Variants in CAMK1D observed in about 807,000 individuals in gnomAD.
The protein encoded by CAMK1D is calcium/calmodulin dependent protein kinase ID.
In CAMK1D, 9 loss-of-function variants were observed where a neutral mutation model predicts 47.7. That is an observed-to-expected ratio of 0.19 (90% CI 0.11 to 0.33). The LOEUF (loss-of-function observed/expected upper bound fraction) is 0.33. CAMK1D is among the 10% of genes least tolerant of loss of function. The pLI is 1.00. For synonymous variants in CAMK1D, 184 were observed against 184.9 expected (o/e 0.99, Z 0.04); for missense variants, 291 against 488.7 (o/e 0.60, Z 3.81).
chr10:12,696,225 A>C (rs556913865), intron 3 of CAMK1D, among the ~76,000 whole-genome samples: 1 of 152,236 alleles, frequency 6.6e-6, no homozygotes, highest in Admixed American at 6.5e-5. Flanking sequence ...GAAAAAACTT[A>C]AAAATCACTG....
chr10:12,501,969 C>G (rs964198777), intron 1 of CAMK1D, among the ~76,000 whole-genome samples: 1 of 152,060 alleles, frequency 6.6e-6, no homozygotes, highest in Non-Finnish European at 1.5e-5. Context: ...GCTGCAGGCC[C>G]TAGGGAGAGT....
In CAMK1D at chr10:12,554,188, C is replaced by T. The variant is rs112680193; in HGVS notation, c.224+832C>T. Reference sequence around the variant, plus strand: ...CTCCTTTCCTTTCCTGACAGAATCTCGCTCTGTTGCCCAGGCTGGAGTACA... The same window carrying T: ...CTCCTTTCCTTTCCTGACAGAATCTTGCTCTGTTGCCCAGGCTGGAGTACA... On this transcript the variant is annotated intron_variant, in intron 2 of 10. Transcript: ENST00000619168. 9.6e-4 allele frequency among the ~76,000 whole-genome samples: 145 copies of T among 150,396 alleles called. 3 individuals carry two copies. Among genetic ancestry groups the T allele is most frequent in the African/African-American group, 3.4e-3 (138 of 41,044 alleles).
intron 6 of CAMK1D, among the ~76,000 whole-genome samples, chr10:12,806,614 C>T (rs1394227342): frequency 2.0e-5 from 3 of 152,210 alleles, no homozygotes; most frequent in East Asian, 3.8e-4. Flanking sequence ...AGGCTCCTCC[C>T]CTCTTTCAAA....
chr10:12,776,800 G>A (rs1837267306), intron 5 of CAMK1D, among the ~76,000 whole-genome samples: 2 of 152,212 alleles, frequency 1.3e-5, no homozygotes, highest in South Asian at 4.1e-4. Context: ...TAAACAGGGA[G>A]ATCTCCAACA....
chr10:12,759,836 G>A (rs1404027173), intron 3 of CAMK1D, among the ~76,000 whole-genome samples: 4 of 152,122 alleles, frequency 2.6e-5, no homozygotes, highest in Non-Finnish European at 4.4e-5. Context: ...ATAAATTGTC[G>A]TGCCTTTTGG....
intron 2 of CAMK1D, among the ~76,000 whole-genome samples, chr10:12,597,064 G>A (rs919657838): frequency 6.6e-6 from 1 of 152,118 alleles, no homozygotes; most frequent in South Asian, 2.1e-4. Flanking sequence ...GCACCCATCA[G>A]TGGGGATGGA....
intron 1 of CAMK1D, among the ~76,000 whole-genome samples, chr10:12,467,830 G>A (rs905138122): frequency 2.0e-5 from 3 of 152,034 alleles, no homozygotes; most frequent in African/African-American, 7.2e-5. Flanking sequence ...GTTCACATGA[G>A]GTTTACAACA....
intron 2 of CAMK1D, among the ~76,000 whole-genome samples, chr10:12,632,085 A>G (rs1839396780): frequency 6.6e-6 from 1 of 152,218 alleles, no homozygotes; most frequent in Admixed American, 6.5e-5. Flanking sequence ...GCTTTGGTTG[A>G]TGGGCAGTGT....
At chr10:12,557,375 C>T (rs1836794535) in intron 2 of CAMK1D, among the ~76,000 whole-genome samples, 1 of 151,802 alleles carries the variant, frequency 6.6e-6, no homozygotes, top group Admixed American at 6.6e-5. Flanking sequence ...CGGTGAAACC[C>T]CGTCTCTACT....
chr10:12,647,505 A>G (rs926779595), intron 2 of CAMK1D, among the ~76,000 whole-genome samples: 1 of 152,206 alleles, frequency 6.6e-6, no homozygotes, highest in Non-Finnish European at 1.5e-5. Context: ...ATTTTTCTGT[A>G]TACCAATGCT....
At chr10:12,677,955 A>G (rs1310129138) in intron 3 of CAMK1D, among the ~76,000 whole-genome samples, 1 of 152,054 alleles carries the variant, frequency 6.6e-6, no homozygotes. Context: ...TAACGATTGA[A>G]TATGCTTTGT....
At chr10:12,630,717 C>T (rs1291443831) in intron 2 of CAMK1D, among the ~76,000 whole-genome samples, 1 of 152,188 alleles carries the variant, frequency 6.6e-6, no homozygotes, top group Non-Finnish European at 1.5e-5. Flanking sequence ...AGCTACTGCC[C>T]CTGGCCCTTT....
At chr10:12,446,565 G>A (rs1832931118) in intron 1 of CAMK1D, among the ~76,000 whole-genome samples, 3 of 152,172 alleles carry the variant, frequency 2.0e-5, no homozygotes, top group African/African-American at 7.2e-5. Flanking sequence ...TTAACTGCCT[G>A]GGAATGCAGC....
intron 2 of CAMK1D, among the ~76,000 whole-genome samples, chr10:12,639,135 G>A (rs991429423): frequency 9.9e-5 from 15 of 152,246 alleles, no homozygotes; most frequent in African/African-American, 3.4e-4. Context: ...TCCCGCCTCA[G>A]AAAGAGAAAG....
intron 2 of CAMK1D, among the ~76,000 whole-genome samples, chr10:12,589,928 G>A (rs1451267901): frequency 6.6e-6 from 1 of 152,070 alleles, no homozygotes; most frequent in Non-Finnish European, 1.5e-5. Flanking sequence ...GACCTGCTAG[G>A]GTAACTCTGA....
chr10:12,779,077 C>T lies in CAMK1D; in HGVS notation c.565+9278C>T, dbSNP rs539824208. On this transcript the variant is annotated intron_variant, in intron 5 of 10. Coordinates refer to ENST00000619168, the MANE Select transcript of CAMK1D (RefSeq NM_153498.4). ...AGAAATGAACAGACTCACTGAGCCT[C>T]GAGAGAGGGCTGGTGGAATTGTACT... Among the ~76,000 whole-genome samples, 18 of 152,114 alleles carry T rather than the reference C, an allele frequency of 1.2e-4. No individual in the cohort carries two copies. In the South Asian group the frequency reaches 2.1e-3, roughly 18 times the overall value.
In CAMK1D at chr10:12,353,073, A is replaced by C. The variant is rs907079832; in HGVS notation, c.92+3163A>C. ...CTTTCTAGAAGTGGTCCCCAGTTCA[A>C]GATGCCTGCTCCACCCTGGGCCATG... On this transcript the variant is annotated intron_variant, in intron 1 of 10. Coordinates refer to ENST00000619168, the MANE Select transcript of CAMK1D (RefSeq NM_153498.4). 2.0e-5 allele frequency among the ~76,000 whole-genome samples: 3 copies of C among 152,108 alleles called. No homozygotes were observed. The East Asian group carries it at 5.8e-4, about 29-fold the overall frequency.
At chr10:12,413,827 T>C (rs1015353309) in intron 1 of CAMK1D, among the ~76,000 whole-genome samples, 1 of 152,190 alleles carries the variant, frequency 6.6e-6, no homozygotes, top group Non-Finnish European at 1.5e-5. Context: ...GATGAGGAGC[T>C]TGGGCCTACC....
Position 12,834,402 on chromosome 10 carries a change from C to T in CAMK1D, c.*5515C>T, listed in dbSNP as rs953783654. ...CCAGCAGGAGCAGCTCAGTTTGTGG[C>T]TCTGGGAGCTCCGCTTTTGCAAACC... On this transcript the variant is annotated 3_prime_UTR_variant, in exon 11 of 11. Transcript: ENST00000619168. The T allele has an allele frequency of 4.6e-5, 7 of 152,220 alleles. No individual in the cohort carries two copies. Among genetic ancestry groups the T allele is most frequent in the African/African-American group, 1.7e-4 (7 of 41,442 alleles). 9.4% of individuals were successfully genotyped at this position (152,220 alleles called of 1,614,324 possible). A position where few individuals can be genotyped will look rare whatever the true frequency, so the allele number is the denominator to read the frequency against.
Sources: allele counts gnomAD v4.1 joint callset (sites outside exome capture counted in the v4.1 genomes callset), GRCh38; gene constraint gnomAD v4.1.1; transcripts MANE v1.5; gene names NCBI Gene and HGNC (gene_info 2026-07-23, HGNC 2026-07-21).